EDN1: variants seen among roughly 807,000 people sequenced by gnomAD.
The protein encoded by EDN1 is endothelin-1.
Under a neutral mutation model 21.7 loss-of-function variants are expected in EDN1, and 11 were observed. The observed-to-expected ratio is 0.51, with a 90% confidence interval of 0.32 to 0.84. EDN1 has a LOEUF of 0.84. EDN1 is among the 40% of genes least tolerant of loss of function. EDN1 has a pLI of 0.03. For synonymous variants in EDN1, 85 were observed against 90.6 expected (o/e 0.94, Z 0.35); for missense variants, 244 against 262.3 (o/e 0.93, Z 0.48).
chr6:12,236,172 G>A, the EDN1 span, among the ~76,000 whole-genome samples: 9 of 152,076 alleles, frequency 5.9e-5, no homozygotes, highest in South Asian at 4.1e-4. Context: ...CCTTGGTTGC[G>A]AATAAAAAGA....
chr6:12,279,453 G>C, the EDN1 span, among the ~76,000 whole-genome samples: 56,581 of 152,108 alleles, frequency 0.37, 13,313 homozygotes, highest in Non-Finnish European at 0.52. Flanking sequence ...ATGAAGTGTT[G>C]AGATGGATGA....
chr6:12,243,343 C>G, the EDN1 span, among the ~76,000 whole-genome samples: 1 of 144,228 alleles, frequency 6.9e-6, no homozygotes. Context: ...GGAGGAGGGG[C>G]TGGTCTTGAT....
chr6:12,233,581 A>T, the EDN1 span, among the ~76,000 whole-genome samples: 3 of 152,150 alleles, frequency 2.0e-5, no homozygotes, highest in Non-Finnish European at 4.4e-5. Context: ...TTATTATTAT[A>T]ATACAGATGT....
At chr6:12,262,617 A>T in the EDN1 span, among the ~76,000 whole-genome samples, 6 of 152,216 alleles carry the variant, frequency 3.9e-5, no homozygotes, top group Admixed American at 3.9e-4. Context: ...CATGCCTGTA[A>T]TCCCAGCACT....
chr6:12,248,470 C>A, the EDN1 span, among the ~76,000 whole-genome samples: 1 of 152,186 alleles, frequency 6.6e-6, no homozygotes, highest in African/African-American at 2.4e-5. Context: ...ATGATTCTGA[C>A]ATTCTCCTAT....
the EDN1 span, among the ~76,000 whole-genome samples, chr6:12,257,193 T>C: frequency 6.6e-6 from 1 of 152,256 alleles, no homozygotes; most frequent in South Asian, 2.1e-4. Context: ...AAATGATTTA[T>C]GCAAACTGAC....
chr6:12,294,918 G>GTT (rs757628744), intron 4 of EDN1, among the ~76,000 whole-genome samples: 1 of 32,698 alleles, frequency 3.1e-5, no homozygotes, highest in African/African-American at 1.0e-4. Flanking sequence ...CAGGTTTATG[G>GTT]TCTTTTTTTT....
the EDN1 span, among the ~76,000 whole-genome samples, chr6:12,248,405 A>G: frequency 6.6e-6 from 1 of 152,184 alleles, no homozygotes; most frequent in South Asian, 2.1e-4. Context: ...GGCCAAGCTG[A>G]CTAATACAAC....
the EDN1 span, among the ~76,000 whole-genome samples, chr6:12,234,370 C>A: frequency 1.3e-5 from 2 of 152,180 alleles, no homozygotes; most frequent in African/African-American, 4.8e-5. Context: ...CAATGACATC[C>A]CCTTTCATGG....
the EDN1 span, among the ~76,000 whole-genome samples, chr6:12,266,726 G>A: frequency 6.6e-6 from 1 of 152,266 alleles, no homozygotes; most frequent in Non-Finnish European, 1.5e-5. Flanking sequence ...AAAGAGATGT[G>A]TGGAAATGCA....
the EDN1 span, among the ~76,000 whole-genome samples, chr6:12,266,475 G>A: frequency 6.6e-6 from 1 of 152,258 alleles, no homozygotes; most frequent in African/African-American, 2.4e-5. Context: ...GATCTAATGG[G>A]GATCCAGGCA....
At chr6:12,278,222 C>T in the EDN1 span, among the ~76,000 whole-genome samples, 1 of 152,104 alleles carries the variant, frequency 6.6e-6, no homozygotes, top group Non-Finnish European at 1.5e-5. Flanking sequence ...AGTGAACCTT[C>T]AGAAAGTCTA....
At chr6:12,294,545 G>T (rs1402333794) in intron 4 of EDN1, 141 bp downstream of exon 4, 1 of 916,852 alleles carries the variant, frequency 1.1e-6, no homozygotes, top group Non-Finnish European at 1.7e-6. Flanking sequence ...GGAGATCTAT[G>T]CATCCTATAG....
chr6:12,255,362 G>C, the EDN1 span, among the ~76,000 whole-genome samples: 1 of 152,068 alleles, frequency 6.6e-6, no homozygotes, highest in Non-Finnish European at 1.5e-5. Context: ...AAATTATAAA[G>C]CTCATAAAGT....
At chr6:12,273,509 A>C in the EDN1 span, among the ~76,000 whole-genome samples, 1 of 152,150 alleles carries the variant, frequency 6.6e-6, no homozygotes, top group Non-Finnish European at 1.5e-5. Flanking sequence ...ACAGTAAAGA[A>C]AATTTAAGAC....
At chr6:12,289,959 T>C (rs997285847), upstream of EDN1, among the ~76,000 whole-genome samples, 4 of 152,098 alleles carry the variant, frequency 2.6e-5, no homozygotes, top group African/African-American at 9.7e-5. Context: ...TTAAAAAAAA[T>C]TCCCCGCACA....
chr6:12,269,756 G>A, the EDN1 span, among the ~76,000 whole-genome samples: 1 of 151,886 alleles, frequency 6.6e-6, no homozygotes, highest in Non-Finnish European at 1.5e-5. Context: ...AGGGAGATTG[G>A]CCTGTAGTTT....
chr6:12,236,941 C>T, the EDN1 span, among the ~76,000 whole-genome samples: 1 of 151,926 alleles, frequency 6.6e-6, no homozygotes, highest in Non-Finnish European at 1.5e-5. Context: ...TCATCATTTA[C>T]ATTAGGTATT....
At chr6:12,287,914 C>T (rs1025934369), upstream of EDN1, among the ~76,000 whole-genome samples, 2 of 152,094 alleles carry the variant, frequency 1.3e-5, no homozygotes, top group African/African-American at 2.4e-5. Context: ...CAGGTGTGGG[C>T]GGATGGCTGG....
Sources: gnomAD v4.1 joint callset for allele counts (sites outside exome capture counted in the v4.1 genomes callset) on GRCh38, gnomAD v4.1.1 for gene constraint, MANE v1.5 for transcripts, NCBI Gene and HGNC (gene_info 2026-07-23, HGNC 2026-07-21) for gene names.